Variants in APOL5 observed in about 807,000 individuals in gnomAD.
APOL5 encodes apolipoprotein L, 5.
APOL5 carries 29 observed loss-of-function variants against 35.5 expected under a neutral mutation model. The ratio of observed to expected loss-of-function variants is 0.82; its 90% CI spans 0.61 to 1.11. APOL5 has a LOEUF of 1.11. APOL5 is among the 50% of genes most tolerant of loss of function. APOL5 has a pLI of 0.00. For missense variants in APOL5, 514 were observed against 530.4 expected (o/e 0.97, Z 0.30); for synonymous variants, 188 against 200.2 (o/e 0.94, Z 0.51).
chr22:35,713,481 GCTCTTCTCCC>G (rs1926649096), upstream of APOL5, among the ~76,000 whole-genome samples: 1 of 152,104 alleles, frequency 6.6e-6, no homozygotes, highest in Non-Finnish European at 1.5e-5. Context: ...CAGCCTCAGT[GCTCTTCTCCC>G]CTCTAAGCTC....
upstream of APOL5, among the ~76,000 whole-genome samples, chr22:35,717,660 A>G (rs1926799198): frequency 6.7e-6 from 1 of 148,506 alleles, no homozygotes; most frequent in Non-Finnish European, 1.5e-5. Flanking sequence ...GAGTCAGTTG[A>G]ACCTGGGAAG....
At chr22:35,727,779 CG>C (rs1466927253) in intron 3 of APOL5, among the ~76,000 whole-genome samples, 1 of 152,160 alleles carries the variant, frequency 6.6e-6, no homozygotes. Context: ...GTGATAAAAA[CG>C]GCACTTCAAA....
intron 3 of APOL5, among the ~76,000 whole-genome samples, chr22:35,728,009 G>A (rs1303227293): frequency 6.6e-6 from 1 of 152,234 alleles, no homozygotes; most frequent in Non-Finnish European, 1.5e-5. Context: ...AGATGTGAAG[G>A]CTCAAATGTT....
At chr22:35,714,552 C>T (rs185212487), upstream of APOL5, among the ~76,000 whole-genome samples, 63 of 152,300 alleles carry the variant, frequency 4.1e-4, no homozygotes, top group Admixed American at 3.0e-3. Context: ...TCGTTTTACC[C>T]TTCTGGCTTG....
chr22:35,726,079 C>A, intron 2 of APOL5, 132 bp from the exon 3 acceptor site: 1 of 992,350 alleles, frequency 1.0e-6, no homozygotes, highest in Non-Finnish European at 1.5e-6. Flanking sequence ...CCGGTTAGGT[C>A]AGACCCCTTT....
At chr22:35,709,523 A>G in the APOL5 span, among the ~76,000 whole-genome samples, 53 of 152,222 alleles carry the variant, frequency 3.5e-4, 1 homozygote, top group African/African-American at 1.2e-3. Context: ...TCTGAAATCT[A>G]GTAACTTCAT....
chr22:35,711,904 A>T, the APOL5 span, among the ~76,000 whole-genome samples: 1 of 151,964 alleles, frequency 6.6e-6, no homozygotes, highest in Non-Finnish European at 1.5e-5. Flanking sequence ...TGAACTCCTG[A>T]CCTCAGGTGA....
Position 35,720,553 on chromosome 22 carries a change from C to G in APOL5, c.56-15C>G, listed in dbSNP as rs1219019441. 6.2e-7 allele frequency: 1 copy of G among 1,613,362 alleles called. No homozygotes were observed. Among genetic ancestry groups the G allele is most frequent in the Non-Finnish European group, 8.5e-7 (1 of 1,179,336 alleles). ...GACTCAAGAAGAAATGTCCCTGATCCTTGTCCATCTCCAGGCTTGGGAGAA... is the reference window on the plus strand; with the variant it reads ...GACTCAAGAAGAAATGTCCCTGATCGTTGTCCATCTCCAGGCTTGGGAGAA... On this transcript the variant is annotated splice_polypyrimidine_tract_variant and intron_variant, in intron 1 of 4. Coordinates refer to ENST00000249044, the MANE Select transcript of APOL5 (RefSeq NM_030642.1).
upstream of APOL5, among the ~76,000 whole-genome samples, chr22:35,714,762 C>T (rs889079764): frequency 5.3e-5 from 8 of 152,172 alleles, no homozygotes; most frequent in Admixed American, 2.6e-4. Flanking sequence ...TCCCTTCTTC[C>T]GTGTTGAGAG....
intron 3 of APOL5, among the ~76,000 whole-genome samples, chr22:35,728,511 C>T (rs1328896297): frequency 3.3e-5 from 5 of 152,250 alleles, no homozygotes; most frequent in African/African-American, 1.2e-4. Flanking sequence ...GCGTGAGCAA[C>T]CGCGCCCGGC....
chr22:35,717,233 A>AT (rs71324555), upstream of APOL5, among the ~76,000 whole-genome samples: 159 of 37,292 alleles, frequency 4.3e-3, 3 homozygotes, highest in East Asian at 0.016. Context: ...AAAAAAAAAA[A>AT]AAATATATAT....
chr22:35,728,157 C>G (rs1472791050), intron 3 of APOL5, among the ~76,000 whole-genome samples: 3 of 152,168 alleles, frequency 2.0e-5, no homozygotes, highest in East Asian at 1.9e-4. Flanking sequence ...GTGGGTGGGT[C>G]CCACCCCCAG....
At position 35,720,737 on chromosome 22, in the gene APOL5, T is replaced by C. The variant is rs1926943069; in HGVS notation, c.142+83T>C. ...TGTCTGTCACAGACCCAGCACTCAA[T>C]GAGTATTTGGGTTTTGTTTTGTTTT... On this transcript the variant is annotated intron_variant, in intron 2 of 4. Coordinates refer to ENST00000249044, the MANE Select transcript of APOL5 (RefSeq NM_030642.1). The C allele has an allele frequency of 3.9e-6, 4 of 1,016,148 alleles. No homozygotes were observed. In the African/African-American group the frequency reaches 4.9e-5, roughly 13 times the overall value. The allele number at this position is 1,016,148 out of a possible 1,614,324, so 62.9% of individuals were successfully genotyped here.
rs746397810 is a variant in APOL5 at position 35,728,806 on chromosome 22, A to G, written c.1210A>G (p.Thr404Ala). ...CGTGGCACTGAGGACACCAAAGAGG[A>G]CAGTCTCTGCCCCAAGGATGCTTGG... ...PGVALRTPKR[T>A]VSAPRMLGHQ... Residue 404 changes from threonine (T) to alanine (A), a missense_variant, in exon 4 of 5, where the codon ACA (threonine) becomes GCA (alanine). This residue lies in a region of APOL5 where 238 missense variants were observed against 229.1 expected (regional missense o/e 1.04). Coordinates refer to ENST00000249044, the MANE Select transcript of APOL5 (RefSeq NM_030642.1). 1 of 1,613,452 alleles carries G rather than the reference A, an allele frequency of 6.2e-7. No individual in the cohort carries two copies. Among genetic ancestry groups the G allele is most frequent in the South Asian group, 1.1e-5 (1 of 90,852 alleles).
chr22:35,728,624 A>C, intron 3 of APOL5, 99 bp from the exon 4 acceptor site: 1 of 1,394,290 alleles, frequency 7.2e-7, no homozygotes, highest in Non-Finnish European at 9.8e-7. Flanking sequence ...CTCAAAGCCA[A>C]TAGAAATTTG....
At position 35,728,891 on chromosome 22, in the gene APOL5, G is replaced by A. The variant is rs148034663; in HGVS notation, c.1295G>A (p.Arg432Gln). The A allele has an allele frequency of 1.9e-5, 31 of 1,600,398 alleles. No homozygotes were observed. Among genetic ancestry groups the A allele is most frequent in the Admixed American group, 1.4e-4 (8 of 57,708 alleles). Reference sequence around the variant, plus strand: ...GGGAGACAGGCCCCGGGAAGACACCGACAATGAGAAGAGGTAAGTGGGACG... The same window carrying A: ...GGGAGACAGGCCCCGGGAAGACACCAACAATGAGAAGAGGTAAGTGGGACG... ...RKGRQAPGRH[R>Q]Q Residue 432 changes from arginine to glutamine, a missense_variant, in exon 4 of 5, where the codon CGA becomes CAA. By Grantham distance (43) the Arg-to-Gln change is conservative. This residue lies in a region of APOL5 where 238 missense variants were observed against 229.1 expected (regional missense o/e 1.04). Transcript: ENST00000249044.
In APOL5 at chr22:35,720,517, C is replaced by A. The variant is rs550141392; in HGVS notation, c.56-51C>A. ...TTCCCGGAGCACTGTTATGTCTTTT[C>A]GGGCTGAGATGACTCAAGAAGAAAT... On this transcript the variant is annotated intron_variant, in intron 1 of 4. Coordinates refer to ENST00000249044, the MANE Select transcript of APOL5 (RefSeq NM_030642.1). The A allele has an allele frequency of 2.6e-6, 4 of 1,550,382 alleles. 1 individual carries two copies. In the South Asian group the frequency reaches 4.5e-5, roughly 17 times the overall value.
Position 35,728,802 on chromosome 22 carries a change from G to A in APOL5, c.1206G>A (p.Lys402=). 6.2e-7 allele frequency: 1 copy of A among 1,613,574 alleles called. No individual in the cohort carries two copies. The highest frequency in any genetic ancestry group is 8.5e-7 in the Non-Finnish European group (1 of 1,179,796). Residue 402 remains lysine, a synonymous_variant, in exon 4 of 5, where the codon AAG becomes AAA. Coordinates refer to ENST00000249044, the MANE Select transcript of APOL5 (RefSeq NM_030642.1). Reference sequence around the variant, plus strand: ...CTGGCGTGGCACTGAGGACACCAAAGAGGACAGTCTCTGCCCCAAGGATGC... The same window carrying A: ...CTGGCGTGGCACTGAGGACACCAAAAAGGACAGTCTCTGCCCCAAGGATGC... ...LGPGVALRTP[K]RTVSAPRMLG... is the part of the protein sequence containing the mutation.
chr22:35,729,007 G>A (rs918700063), intron 4 of APOL5, 103 bp downstream of exon 4: 4 of 1,280,578 alleles, frequency 3.1e-6, no homozygotes, highest in East Asian at 5.8e-5. Flanking sequence ...AGGGCCTAAC[G>A]GGGACAGAGG....
Sources: gnomAD v4.1 joint callset for allele counts (sites outside exome capture counted in the v4.1 genomes callset) on GRCh38, gnomAD v4.1.1 for gene constraint, gnomAD v4.1.1 regional missense constraint, MANE v1.5 for transcripts, NCBI Gene and HGNC (gene_info 2026-07-23, HGNC 2026-07-21) for gene names.